The following ATP10B variants were observed in gnomAD, a reference collection of about 807,000 sequenced individuals.
ATP10B encodes ATPase phospholipid transporting 10B (putative).
ATP10B carries 122 observed loss-of-function variants against 141.2 expected under a neutral mutation model. The ratio of observed to expected loss-of-function variants is 0.86; its 90% CI spans 0.75 to 1.00. The LOEUF (loss-of-function observed/expected upper bound fraction) is 1.00, where lower values mean the gene tolerates loss of function less well. Ranked by LOEUF, ATP10B falls within the 50% of genes least tolerant of loss-of-function variation. The pLI is 0.00. For missense variants in ATP10B, 1,876 were observed against 1,825.3 expected (o/e 1.03, Z -0.51); for synonymous variants, 685 against 692.0 (o/e 0.99, Z 0.16).
intron 1 of ATP10B, among the ~76,000 whole-genome samples, chr5:160,828,503 T>G (rs1229028453): frequency 6.6e-6 from 1 of 151,968 alleles, no homozygotes; most frequent in Non-Finnish European, 1.5e-5. Context: ...AAAACCACAA[T>G]GAGATACCAT....
the ATP10B span, among the ~76,000 whole-genome samples, chr5:160,901,552 T>C: frequency 1.3e-5 from 2 of 152,088 alleles, no homozygotes; most frequent in Non-Finnish European, 1.5e-5. Context: ...AAACATGCCG[T>C]CAAAGCAAAC....
intron 2 of ATP10B, among the ~76,000 whole-genome samples, chr5:160,757,060 A>G (rs1768672179): frequency 6.6e-6 from 1 of 152,090 alleles, no homozygotes; most frequent in South Asian, 2.1e-4. Flanking sequence ...CTTAAAATAC[A>G]TTTTGTAATT....
intron 7 of ATP10B, among the ~76,000 whole-genome samples, chr5:160,654,995 C>T (rs1372720408): frequency 6.6e-6 from 1 of 152,206 alleles, no homozygotes; most frequent in Non-Finnish European, 1.5e-5. Flanking sequence ...TGCTCCTTAA[C>T]CACAGTGTTA....
intron 1 of ATP10B, among the ~76,000 whole-genome samples, chr5:160,813,846 C>T (rs941855619): frequency 3.9e-5 from 6 of 152,194 alleles, no homozygotes; most frequent in Non-Finnish European, 8.8e-5. Context: ...GTTCTGCAGC[C>T]TCCACTGCTG....
At chr5:160,921,590 G>A in the ATP10B span, among the ~76,000 whole-genome samples, 1 of 152,214 alleles carries the variant, frequency 6.6e-6, no homozygotes, top group Admixed American at 6.5e-5. Flanking sequence ...ATGTTGCTCT[G>A]TGTTTAATTT....
At chr5:160,884,763 C>G in the ATP10B span, among the ~76,000 whole-genome samples, 1 of 152,098 alleles carries the variant, frequency 6.6e-6, no homozygotes, top group Non-Finnish European at 1.5e-5. Context: ...AAATAGCAGT[C>G]ATACATTTAA....
intron 1 of ATP10B, among the ~76,000 whole-genome samples, chr5:160,833,985 G>A (rs573948364): frequency 6.6e-6 from 1 of 152,072 alleles, no homozygotes; most frequent in Admixed American, 6.6e-5. Context: ...ATACTTGTGG[G>A]CAGTCATACA....
chr5:160,882,964 A>G, the ATP10B span, among the ~76,000 whole-genome samples: 2 of 152,190 alleles, frequency 1.3e-5, no homozygotes, highest in Non-Finnish European at 2.9e-5. Context: ...AATGAAATAT[A>G]AAACTGAAGC....
At chr5:160,815,169 C>G (rs990950976) in intron 1 of ATP10B, among the ~76,000 whole-genome samples, 4 of 152,048 alleles carry the variant, frequency 2.6e-5, no homozygotes, top group Non-Finnish European at 5.9e-5. Context: ...CTAAAATGCT[C>G]CAATTAAAAG....
At chr5:160,623,478 C>T (rs1199116490) in intron 13 of ATP10B, among the ~76,000 whole-genome samples, 1 of 151,910 alleles carries the variant, frequency 6.6e-6, no homozygotes, top group African/African-American at 2.4e-5. Flanking sequence ...GTCTAGTTTG[C>T]CAAGTCTCTT....
chr5:160,663,696 G>A (rs539113978), intron 7 of ATP10B, among the ~76,000 whole-genome samples: 19 of 151,534 alleles, frequency 1.3e-4, no homozygotes, highest in African/African-American at 3.9e-4. Context: ...GCTAAATGAC[G>A]AGTTAATGGG....
At chr5:160,698,689 A>C (rs562657100) in intron 3 of ATP10B, among the ~76,000 whole-genome samples, 3 of 140,310 alleles carry the variant, frequency 2.1e-5, no homozygotes, top group African/African-American at 7.5e-5. Flanking sequence ...GGGAGATGAG[A>C]TATATATATA....
the ATP10B span, among the ~76,000 whole-genome samples, chr5:160,859,522 A>G: frequency 6.6e-6 from 1 of 151,658 alleles, no homozygotes; most frequent in African/African-American, 2.4e-5. Flanking sequence ...CCCCCTTCAA[A>G]TGTCCTTTAA....
At chr5:160,820,764 C>G (rs753313646) in intron 1 of ATP10B, among the ~76,000 whole-genome samples, 1 of 152,116 alleles carries the variant, frequency 6.6e-6, no homozygotes, top group Non-Finnish European at 1.5e-5. Flanking sequence ...TGGGATACAT[C>G]AGATGAACAG....
intron 7 of ATP10B, among the ~76,000 whole-genome samples, chr5:160,658,642 C>T (rs1371158987): frequency 6.6e-6 from 1 of 152,128 alleles, no homozygotes; most frequent in African/African-American, 2.4e-5. Context: ...AGTACGTTTC[C>T]CCAGGATGCT....
chr5:160,923,435 C>G, the ATP10B span, among the ~76,000 whole-genome samples: 1 of 152,130 alleles, frequency 6.6e-6, no homozygotes, highest in Non-Finnish European at 1.5e-5. Flanking sequence ...ATTTACCTCA[C>G]GAGGTTGGAG....
chr5:160,609,267 T>A (rs186495120), intron 18 of ATP10B, among the ~76,000 whole-genome samples: 1 of 152,098 alleles, frequency 6.6e-6, no homozygotes, highest in Non-Finnish European at 1.5e-5. Context: ...AAAGTACAAG[T>A]CATATACAGA....
the ATP10B span, among the ~76,000 whole-genome samples, chr5:160,899,471 G>T: frequency 6.6e-6 from 1 of 152,228 alleles, no homozygotes; most frequent in African/African-American, 2.4e-5. Flanking sequence ...GGTCTTCATT[G>T]TGGTAATGGT....
intron 2 of ATP10B, among the ~76,000 whole-genome samples, chr5:160,777,354 C>T (rs551917371): frequency 6.6e-6 from 1 of 152,304 alleles, no homozygotes; most frequent in African/African-American, 2.4e-5. Flanking sequence ...TATCACTGCT[C>T]AAGGCTGCCC....
Sources: gnomAD v4.1 joint callset for allele counts (sites outside exome capture counted in the v4.1 genomes callset) on GRCh38, gnomAD v4.1.1 for gene constraint, MANE v1.5 for transcripts, NCBI Gene and HGNC (gene_info 2026-07-23, HGNC 2026-07-21) for gene names.